Variants in AOPEP observed in about 807,000 individuals in gnomAD.
AOPEP encodes the protein aminopeptidase O.
In AOPEP, 77 loss-of-function variants were observed where a neutral mutation model predicts 98.1. The ratio of observed to expected loss-of-function variants is 0.78; its 90% CI spans 0.65 to 0.95. The LOEUF is 0.95. Among genes scored for constraint, AOPEP ranks in the 40% least tolerant of loss-of-function variants. AOPEP has a pLI of 0.00. For missense variants in AOPEP, 1,024 were observed against 1,024.7 expected (o/e 1.00, Z 0.01); for synonymous variants, 346 against 365.3 (o/e 0.95, Z 0.60).
intron 13 of AOPEP, among the ~76,000 whole-genome samples, chr9:95,035,992 G>A (rs963946001): frequency 1.3e-5 from 2 of 152,230 alleles, no homozygotes; most frequent in Admixed American, 6.5e-5. Context: ...GTAGACCCCC[G>A]GGAGAGGTTT....
intron 5 of AOPEP, among the ~76,000 whole-genome samples, chr9:94,876,683 A>G (rs2135750503): frequency 6.6e-6 from 1 of 152,082 alleles, no homozygotes; most frequent in South Asian, 2.1e-4. Context: ...TTCTTTTAGG[A>G]GATTAATTTC....
At chr9:94,896,957 A>C (rs987442723) in intron 5 of AOPEP, among the ~76,000 whole-genome samples, 3 of 150,828 alleles carry the variant, frequency 2.0e-5, no homozygotes, top group African/African-American at 7.3e-5. Context: ...TGTGTTTCTA[A>C]AACTAAAGTA....
At chr9:95,141,786 G>T in the AOPEP span, among the ~76,000 whole-genome samples, 2 of 152,062 alleles carry the variant, frequency 1.3e-5, no homozygotes, top group Non-Finnish European at 2.9e-5. Context: ...GATAGATAAT[G>T]AATTGTTTTC....
intron 11 of AOPEP, among the ~76,000 whole-genome samples, chr9:94,988,350 C>A (rs12337251): frequency 0.052 from 7,878 of 152,162 alleles, 272 homozygotes; most frequent in South Asian, 0.11. Flanking sequence ...CTTTCACAAT[C>A]TCGGATTAGA....
At chr9:95,066,923 T>G (rs1176145327) in intron 14 of AOPEP, among the ~76,000 whole-genome samples, 1 of 152,208 alleles carries the variant, frequency 6.6e-6, no homozygotes, top group Non-Finnish European at 1.5e-5. Flanking sequence ...ACTTTTGTAT[T>G]GGATTTCTGT....
At chr9:94,950,915 C>T (rs1166567284) in intron 7 of AOPEP, among the ~76,000 whole-genome samples, 1 of 152,210 alleles carries the variant, frequency 6.6e-6, no homozygotes, top group African/African-American at 2.4e-5. Context: ...GGTTATCCTG[C>T]AGGATTGGAC....
At chr9:95,096,143 C>CT in the AOPEP span, among the ~76,000 whole-genome samples, 13 of 152,288 alleles carry the variant, frequency 8.5e-5, no homozygotes, top group South Asian at 1.4e-3. Context: ...AGGCAGAGGG[C>CT]TGGGGAGCTT....
In AOPEP at chr9:94,741,401, T is replaced by G. The variant is rs530402050; in HGVS notation, c.-136+14650T>G. Among the ~76,000 whole-genome samples the G allele has an allele frequency of 2.0e-5, 3 of 151,998 alleles. No individual in the cohort carries two copies. In the South Asian group the frequency reaches 6.2e-4, roughly 32 times the overall value. ...CATTCTTCTGCTTCAGCCCCCCGAG[T>G]AGCTGGGACTACAGGCGCCCGCCAC... On this transcript the variant is annotated intron_variant, in intron 1 of 16. Coordinates refer to ENST00000375315, the MANE Select transcript of AOPEP (RefSeq NM_001193329.3).
chr9:94,728,767 G>A (rs1490763187), intron 1 of AOPEP, among the ~76,000 whole-genome samples: 1 of 152,204 alleles, frequency 6.6e-6, no homozygotes, highest in Non-Finnish European at 1.5e-5. Flanking sequence ...AGGCTATGCG[G>A]GGCACGAGGG....
intron 14 of AOPEP, among the ~76,000 whole-genome samples, chr9:95,064,897 T>G (rs2067722322): frequency 6.6e-6 from 1 of 152,242 alleles, no homozygotes; most frequent in African/African-American, 2.4e-5. Context: ...GGTTGTTACA[T>G]CTCCAGATTC....
chr9:94,865,859 C>T (rs1285719688), intron 5 of AOPEP, among the ~76,000 whole-genome samples: 1 of 152,144 alleles, frequency 6.6e-6, no homozygotes, highest in Non-Finnish European at 1.5e-5. Context: ...CCAAACATTT[C>T]CAACCGCAAA....
chr9:94,835,784 A>C (rs1387521844), intron 5 of AOPEP, among the ~76,000 whole-genome samples: 1 of 152,208 alleles, frequency 6.6e-6, no homozygotes, highest in Non-Finnish European at 1.5e-5. Context: ...GGAGTGCAGT[A>C]GGGCCAAGGT....
intron 13 of AOPEP, among the ~76,000 whole-genome samples, chr9:95,057,475 A>G (rs2066926672): frequency 6.6e-6 from 1 of 152,196 alleles, no homozygotes; most frequent in African/African-American, 2.4e-5. Context: ...CTTTACAAAC[A>G]TTTTGGTTTA....
At chr9:95,095,731 G>T in the AOPEP span, among the ~76,000 whole-genome samples, 7 of 152,130 alleles carry the variant, frequency 4.6e-5, no homozygotes, top group East Asian at 1.4e-3. Flanking sequence ...GCAGGGATGC[G>T]CTGGAGCCTT....
chr9:95,000,790 C>T (rs993652833), intron 11 of AOPEP, among the ~76,000 whole-genome samples: 1 of 152,142 alleles, frequency 6.6e-6, no homozygotes, highest in African/African-American at 2.4e-5. Context: ...ATTTTTGAAA[C>T]TTAATCCAAC....
intron 7 of AOPEP, 85 bp from the exon 8 acceptor site, chr9:94,955,092 C>A: frequency 1.3e-6 from 1 of 746,374 alleles, no homozygotes; most frequent in Non-Finnish European, 2.2e-6. Context: ...TTGAGCAACT[C>A]TGAAAATAAC....
chr9:94,990,700 C>T (rs2060841784), intron 11 of AOPEP, among the ~76,000 whole-genome samples: 1 of 152,072 alleles, frequency 6.6e-6, no homozygotes, highest in South Asian at 2.1e-4. Flanking sequence ...TCTCGGCTCA[C>T]TGCAACCTCC....
chr9:94,811,545 C>T (rs923337489), intron 5 of AOPEP, among the ~76,000 whole-genome samples: 2 of 152,242 alleles, frequency 1.3e-5, no homozygotes, highest in African/African-American at 2.4e-5. Flanking sequence ...CCCCCCACCA[C>T]CACTTTGGCT....
chr9:95,015,721 A>G (rs962078263), intron 13 of AOPEP, among the ~76,000 whole-genome samples: 1 of 152,332 alleles, frequency 6.6e-6, no homozygotes, highest in Middle Eastern at 3.4e-3. Context: ...TTCATTGTCC[A>G]TAAGCCCTCC....
Sources: allele counts gnomAD v4.1 joint callset (sites outside exome capture counted in the v4.1 genomes callset), GRCh38; gene constraint gnomAD v4.1.1; transcripts MANE v1.5; gene names NCBI Gene and HGNC (gene_info 2026-07-23, HGNC 2026-07-21).